The following REXO1 variants were observed in gnomAD, a reference collection of about 807,000 sequenced individuals.
The protein encoded by REXO1 is REX1, RNA exonuclease 1 homolog.
A neutral mutation model predicts 102.6 loss-of-function variants in REXO1; 42 were observed. That is an observed-to-expected ratio of 0.41 (90% CI 0.32 to 0.53). The LOEUF (loss-of-function observed/expected upper bound fraction) is 0.53. Among genes scored for constraint, REXO1 ranks in the 20% least tolerant of loss-of-function variants. The pLI, the probability that REXO1 is intolerant of heterozygous loss-of-function variation, is 0.27. For synonymous variants in REXO1, 908 were observed against 779.1 expected, an observed-to-expected ratio of 1.17 and a Z score of -2.76; for missense variants, 1,819 against 1,732.5, an observed-to-expected ratio of 1.05 and a Z score of -0.89.
rs760757715 is a variant in REXO1, at chr19:1,820,261, C to T, written c.2526+3G>A. On this transcript the variant is annotated splice_donor_region_variant and intron_variant, in intron 6 of 15. Transcript: ENST00000170168. Reference sequence around the variant, plus strand: ...CGGCCAGATAGGAACTCCAGGACCTCACCTTCTCTATGGCCTCCTGGTTGG... The same window carrying T: ...CGGCCAGATAGGAACTCCAGGACCTTACCTTCTCTATGGCCTCCTGGTTGG... 9 of 1,611,974 alleles carry T rather than the reference C, an allele frequency of 5.6e-6. No homozygotes were observed. In the Admixed American group the frequency reaches 1.5e-4, roughly 27 times the overall value.
chr19:1,825,440 A>C (rs1263026377), intron 3 of REXO1, among the ~76,000 whole-genome samples: 1 of 151,446 alleles, frequency 6.6e-6, no homozygotes, highest in African/African-American at 2.4e-5. Flanking sequence ...AGGAGTTGGA[A>C]GACCAGCCTG....
intron 13 of REXO1, 60 bp downstream of exon 13, chr19:1,816,638 T>TGGGGGG: frequency 3.6e-6 from 1 of 275,650 alleles, no homozygotes; most frequent in Non-Finnish European, 6.8e-6. Flanking sequence ...CGGGGGAGGG[T>TGGGGGG]GGGTCCCTGG....
At chr19:1,817,929 C>T (rs955345408) in intron 10 of REXO1, 149 bp from the exon 11 acceptor site, 2 of 638,354 alleles carry the variant, frequency 3.1e-6, no homozygotes, top group Non-Finnish European at 2.7e-6. Flanking sequence ...GGAAGCAGAC[C>T]AGGCCCCGGC....
At position 1,840,676 on chromosome 19, in the gene REXO1, C is replaced by T. The variant is rs141162933; in HGVS notation, c.157+7526G>A. On this transcript the variant is annotated intron_variant, in intron 1 of 15. Transcript: ENST00000170168. ...CTGAGTGACACCCGGGCCCGCCCCA[C>T]GTCACCCCTCCACTCCCTGCAACTC... 5.5e-3 allele frequency among the ~76,000 whole-genome samples: 830 copies of T among 152,010 alleles called. 11 individuals carry two copies. Among genetic ancestry groups the T allele is most frequent in the African/African-American group, 0.019 (787 of 41,434 alleles).
intron 1 of REXO1, among the ~76,000 whole-genome samples, chr19:1,831,966 C>G (rs1393548472): frequency 1.3e-5 from 2 of 151,910 alleles, no homozygotes; most frequent in Non-Finnish European, 2.9e-5. Context: ...AGGTAAGTCC[C>G]CATCCTAATC....
intron 1 of REXO1, among the ~76,000 whole-genome samples, chr19:1,842,114 G>C (rs1470576639): frequency 6.6e-6 from 1 of 151,972 alleles, no homozygotes; most frequent in Non-Finnish European, 1.5e-5. Flanking sequence ...GGGACACTGA[G>C]GCAGAAGAAT....
chr19:1,845,507 T>G (rs1343748603), intron 1 of REXO1, among the ~76,000 whole-genome samples: 1 of 152,012 alleles, frequency 6.6e-6, no homozygotes, highest in Admixed American at 6.5e-5. Context: ...CGGCAAAAAT[T>G]TTAAACATTA....
chr19:1,837,387 A>C (rs951699776), intron 1 of REXO1, among the ~76,000 whole-genome samples: 1 of 152,176 alleles, frequency 6.6e-6, no homozygotes, highest in African/African-American at 2.4e-5. Context: ...CACTGGACAG[A>C]TAGGAACCCG....
rs2069724105 is a variant in REXO1, at chr19:1,826,448, G to A, written c.1911+430C>T. 6.7e-6 allele frequency among the ~76,000 whole-genome samples: 1 copy of A among 149,632 alleles called. No individual in the cohort carries two copies. The highest frequency in any genetic ancestry group is 2.5e-5 in the African/African-American group (1 of 40,222). On this transcript the variant is annotated intron_variant, in intron 2 of 15. Coordinates refer to ENST00000170168, the MANE Select transcript of REXO1 (RefSeq NM_020695.4). This position sits in a 1 kb window ranked among gnomAD's most constrained non-coding sequence, Gnocchi z 4.3. ...GAGGAGGAGGCAAGGAGAGGAGACAGAGGAGCTGGAAGAGAAGAGACAGAG... is the reference window on the plus strand; with the variant it reads ...GAGGAGGAGGCAAGGAGAGGAGACAAAGGAGCTGGAAGAGAAGAGACAGAG...
intron 1 of REXO1, among the ~76,000 whole-genome samples, chr19:1,835,344 AC>A (rs1432086578): frequency 6.6e-6 from 1 of 151,990 alleles, no homozygotes; most frequent in African/African-American, 2.4e-5. Flanking sequence ...GGAGTTCGAA[AC>A]CAGCCTGGCC....
chr19:1,844,613 C>A (rs2011452440), intron 1 of REXO1, among the ~76,000 whole-genome samples: 1 of 152,220 alleles, frequency 6.6e-6, no homozygotes, highest in Non-Finnish European at 1.5e-5. Context: ...CTGCCCTCTA[C>A]AGATGCAGTT....
At chr19:1,816,668 CT>C in intron 13 of REXO1, 29 bp downstream of exon 13, 1 of 1,607,412 alleles carries the variant, frequency 6.2e-7, no homozygotes. Flanking sequence ...GCTGGGAGGG[CT>C]CCCAGCTCGT....
At chr19:1,837,675 C>G (rs2070079401) in intron 1 of REXO1, among the ~76,000 whole-genome samples, 1 of 152,218 alleles carries the variant, frequency 6.6e-6, no homozygotes, top group African/African-American at 2.4e-5. Context: ...TGGGGTCTAC[C>G]CCACTGCCCC....
At chr19:1,842,280 G>A (rs999773550) in intron 1 of REXO1, among the ~76,000 whole-genome samples, 5 of 151,100 alleles carry the variant, frequency 3.3e-5, no homozygotes, top group South Asian at 2.1e-4. Flanking sequence ...CCGCCAGACC[G>A]GCATCCTCAT....
chr19:1,834,885 A>G (rs1292985256), intron 1 of REXO1: 1 of 316,038 alleles, frequency 3.2e-6, no homozygotes, highest in Non-Finnish European at 7.0e-6. Context: ...GAAGACTGAG[A>G]TCAGGATCTG....
intron 1 of REXO1, among the ~76,000 whole-genome samples, chr19:1,831,585 G>A (rs2069902628): frequency 1.3e-5 from 2 of 151,984 alleles, no homozygotes; most frequent in Non-Finnish European, 2.9e-5. Flanking sequence ...GCTCACACCT[G>A]TAATCCCAGC....
intron 1 of REXO1, among the ~76,000 whole-genome samples, chr19:1,841,124 AGAG>A (rs1277836633): frequency 6.6e-6 from 1 of 152,244 alleles, no homozygotes; most frequent in Non-Finnish European, 1.5e-5. Context: ...CTTGGCTGTT[AGAG>A]GAGGAAGAGG....
At chr19:1,843,100 GCTC>G (rs897965995) in intron 1 of REXO1, among the ~76,000 whole-genome samples, 8 of 152,122 alleles carry the variant, frequency 5.3e-5, no homozygotes, top group African/African-American at 1.9e-4. Context: ...GTGGGGGAGG[GCTC>G]CTCCTCCTCG....
chr19:1,837,000 A>AC (rs1380919784), intron 1 of REXO1, among the ~76,000 whole-genome samples: 2 of 152,074 alleles, frequency 1.3e-5, no homozygotes, highest in Admixed American at 1.3e-4. Flanking sequence ...AAGCAAGACT[A>AC]CCCCCAACCT....
Sources: gnomAD v4.1 joint callset for allele counts (sites outside exome capture counted in the v4.1 genomes callset) on GRCh38, gnomAD v4.1.1 for gene constraint, Gnocchi (gnomAD v3.1) non-coding constraint, MANE v1.5 for transcripts, NCBI Gene and HGNC (gene_info 2026-07-23, HGNC 2026-07-21) for gene names.